RABGAP1L: variants seen among roughly 807,000 people sequenced by gnomAD.
RABGAP1L encodes RAB GTPase activating protein 1 like.
In RABGAP1L, 63 loss-of-function variants were observed where a neutral mutation model predicts 137.7. The ratio of observed to expected loss-of-function variants is 0.46; its 90% CI spans 0.37 to 0.56. The LOEUF is 0.56. RABGAP1L is among the 20% of genes least tolerant of loss of function. RABGAP1L has a pLI of 0.00. For synonymous variants in RABGAP1L, 431 were observed against 433.7 expected, an observed-to-expected ratio of 0.99 and a Z score of 0.08; for missense variants, 1,095 against 1,244.0, an observed-to-expected ratio of 0.88 and a Z score of 1.80.
At chr1:174,934,318 C>T (rs368510983) in intron 19 of RABGAP1L, among the ~76,000 whole-genome samples, 5 of 152,068 alleles carry the variant, frequency 3.3e-5, no homozygotes, top group African/African-American at 1.2e-4. Flanking sequence ...GAACTCCTGA[C>T]CTCAGGTGAT....
intron 19 of RABGAP1L, among the ~76,000 whole-genome samples, chr1:174,851,804 G>A (rs1648405451): frequency 6.6e-6 from 1 of 151,876 alleles, no homozygotes; most frequent in African/African-American, 2.4e-5. Context: ...TACAATGTGT[G>A]CCACAACACC....
intron 21 of RABGAP1L, 79 bp downstream of exon 21, chr1:174,969,466 G>GCTTTGTTCTTGA: frequency 1.8e-6 from 2 of 1,095,838 alleles, no homozygotes; most frequent in Non-Finnish European, 2.7e-6. Context: ...CCACAAACTT[G>GCTTTGTTCTTGA]CTTTGTTCTT....
chr1:174,448,268 C>T lies in RABGAP1L; in HGVS notation c.1710+54123C>T. The T allele has an allele frequency of 6.2e-7, 1 of 1,613,832 alleles. No homozygotes were observed. The highest frequency in any genetic ancestry group is 8.5e-7 in the Non-Finnish European group (1 of 1,179,754). ...AGTGGTTATTGTGTTGCTGACATTT[C>T]TGATCATTGCTGGGAATCTAACAGT... On this transcript the variant is annotated intron_variant, in intron 13 of 25. Transcript: ENST00000681986. The surrounding 1 kb of genome is among the most constrained non-coding windows in gnomAD (Gnocchi z 4.2).
chr1:174,763,977 A>G (rs1685466034), intron 18 of RABGAP1L, among the ~76,000 whole-genome samples: 1 of 152,060 alleles, frequency 6.6e-6, no homozygotes, highest in Non-Finnish European at 1.5e-5. Context: ...TCCCCATCCT[A>G]TCACCACCTG....
rs777576320 is a variant in RABGAP1L at position 174,272,397 on chromosome 1, T to C, written c.987-17T>C. On this transcript the variant is annotated splice_polypyrimidine_tract_variant and intron_variant, in intron 7 of 25. Transcript: ENST00000681986. ...CTTGATACCTTATTTCTCCTTTTTT[T>C]CCCCCAATATTTTCAGATGTTTTGG... The C allele has an allele frequency of 9.4e-6, 15 of 1,600,506 alleles. No individual in the cohort carries two copies. Among genetic ancestry groups the C allele is most frequent in the South Asian group, 2.3e-5 (2 of 87,924 alleles).
chr1:174,325,298 A>G (rs1371380691), intron 11 of RABGAP1L, among the ~76,000 whole-genome samples: 2 of 152,348 alleles, frequency 1.3e-5, no homozygotes, highest in East Asian at 1.9e-4. Flanking sequence ...AATATTTTCT[A>G]TGACCTTTTT....
At chr1:174,650,546 T>C (rs1675387437) in intron 14 of RABGAP1L, among the ~76,000 whole-genome samples, 2 of 152,200 alleles carry the variant, frequency 1.3e-5, no homozygotes, top group Non-Finnish European at 2.9e-5. Flanking sequence ...TTCAACTTCT[T>C]CCTGGTTTAG....
rs1173288923 is a variant in RABGAP1L at position 174,383,048 on chromosome 1, G to T, written c.1560-10947G>T. 9.4e-5 allele frequency among the ~76,000 whole-genome samples: 14 copies of T among 149,344 alleles called. No individual in the cohort carries two copies. The South Asian group carries it at 1.3e-3, about 14-fold the overall frequency. On this transcript the variant is annotated intron_variant, in intron 12 of 25. Transcript: ENST00000681986. ...CTGCAGGTCTGTTGGAATACCCTGC[G>T]ATGTGAGGTGTCAGTGTGCCCCTGC...
intron 10 of RABGAP1L, among the ~76,000 whole-genome samples, chr1:174,293,531 G>T (rs1411939231): frequency 2.0e-5 from 3 of 152,106 alleles, no homozygotes; most frequent in East Asian, 3.9e-4. Context: ...CAGGAAATAG[G>T]TCATAATAAC....
chr1:174,752,259 T>G, intron 17 of RABGAP1L, 54 bp from the exon 18 acceptor site: 2 of 1,278,554 alleles, frequency 1.6e-6, no homozygotes, highest in Non-Finnish European at 2.2e-6. Flanking sequence ...GGGGAAATAA[T>G]AAAATAGTGA....
chr1:174,911,004 G>A (rs1659963706), intron 19 of RABGAP1L, among the ~76,000 whole-genome samples: 2 of 152,256 alleles, frequency 1.3e-5, no homozygotes, highest in South Asian at 4.1e-4. Flanking sequence ...TTTGTGTAAA[G>A]TGGCATCTCA....
At chr1:174,353,087 C>G (rs1349452518) in intron 11 of RABGAP1L, among the ~76,000 whole-genome samples, 4 of 152,074 alleles carry the variant, frequency 2.6e-5, no homozygotes, top group Non-Finnish European at 4.4e-5. Context: ...CTGGCTACTG[C>G]TGATGTTTAT....
chr1:174,837,053 A>G (rs868623883), intron 19 of RABGAP1L, among the ~76,000 whole-genome samples: 46 of 152,272 alleles, frequency 3.0e-4, no homozygotes, highest in African/African-American at 1.1e-3. Context: ...CTGAAAATAC[A>G]AAAATTAGCT....
chr1:174,711,850 G>A lies in RABGAP1L; in HGVS notation c.2169+9594G>A, dbSNP rs561411967. 4.7e-3 allele frequency among the ~76,000 whole-genome samples: 715 copies of A among 152,360 alleles called. 3 individuals are homozygous for A. Among genetic ancestry groups the A allele is most frequent in the Non-Finnish European group, 7.1e-3 (480 of 68,036 alleles). On this transcript the variant is annotated intron_variant, in intron 17 of 25. Transcript: ENST00000681986. ...GGCCCTGGCACAGGATCCACTAGGC[G>A]AAGCCAGCTGAGCTTCTGAGTCGGG...
chr1:174,611,491 A>C (rs1198426676), intron 13 of RABGAP1L, among the ~76,000 whole-genome samples: 1 of 149,900 alleles, frequency 6.7e-6, no homozygotes, highest in Non-Finnish European at 1.5e-5. Flanking sequence ...AGGTAGCATG[A>C]TGCCTCCAGC....
chr1:174,336,502 A>C (rs772776224), intron 11 of RABGAP1L, among the ~76,000 whole-genome samples: 3 of 152,242 alleles, frequency 2.0e-5, no homozygotes, highest in Non-Finnish European at 4.4e-5. Flanking sequence ...AGATAATCAT[A>C]TAGTGCTTAT....
At chr1:174,965,136 T>C (rs1021609528) in intron 20 of RABGAP1L, among the ~76,000 whole-genome samples, 5 of 152,188 alleles carry the variant, frequency 3.3e-5, no homozygotes, top group African/African-American at 1.2e-4. Flanking sequence ...ACAGTTGTTA[T>C]CTGCTTTTTG....
intron 10 of RABGAP1L, among the ~76,000 whole-genome samples, chr1:174,288,996 G>A (rs914518024): frequency 3.9e-5 from 6 of 152,028 alleles, no homozygotes; most frequent in Admixed American, 6.6e-5. Flanking sequence ...GTTGAAGCAT[G>A]CTATTAAATT....
At chr1:174,343,540 T>C (rs1281678773) in intron 11 of RABGAP1L, among the ~76,000 whole-genome samples, 1 of 152,226 alleles carries the variant, frequency 6.6e-6, no homozygotes. Context: ...TAGCAAGTTT[T>C]AAATATTTAT....
Sources: gnomAD v4.1 joint callset for allele counts (sites outside exome capture counted in the v4.1 genomes callset) on GRCh38, gnomAD v4.1.1 for gene constraint, Gnocchi (gnomAD v3.1) non-coding constraint, MANE v1.5 for transcripts, NCBI Gene and HGNC (gene_info 2026-07-23, HGNC 2026-07-21) for gene names.